The following RBM5 variants were observed in gnomAD, a reference collection of about 807,000 sequenced individuals.
RBM5 encodes RNA binding motif protein 5.
A neutral mutation model predicts 124.6 loss-of-function variants in RBM5; 15 were observed. The observed-to-expected ratio is 0.12, with a 90% CI of 0.08 to 0.19. The LOEUF (loss-of-function observed/expected upper bound fraction) is 0.19, where lower values mean the gene tolerates loss of function less well. Among genes scored for constraint, RBM5 ranks in the 10% least tolerant of loss-of-function variants. The pLI, the probability that RBM5 is intolerant of heterozygous loss-of-function variation, is 1.00. For missense variants in RBM5, 580 were observed against 1,026.5 expected, an observed-to-expected ratio of 0.57 and a Z score of 5.94; for synonymous variants, 337 against 361.2, an observed-to-expected ratio of 0.93 and a Z score of 0.76.
At chr3:50,111,529 G>A (rs368181048) in intron 17 of RBM5, among the ~76,000 whole-genome samples, 17 of 152,024 alleles carry the variant, frequency 1.1e-4, no homozygotes, top group Middle Eastern at 3.4e-3. Flanking sequence ...GATTACAGGC[G>A]CCCACCACAC....
intron 7 of RBM5, 140 bp from the exon 8 acceptor site, chr3:50,104,108 T>G (rs2090991390): frequency 1.5e-6 from 1 of 663,208 alleles, no homozygotes; most frequent in Non-Finnish European, 2.7e-6. Context: ...ATTTTTTAGG[T>G]TATGTCCCCA....
intron 18 of RBM5, 113 bp from the exon 19 acceptor site, chr3:50,113,837 G>C: frequency 1.6e-6 from 2 of 1,217,016 alleles, no homozygotes; most frequent in Non-Finnish European, 2.3e-6. Flanking sequence ...GTGGAAGTAA[G>C]AGTAAAAGGG....
At chr3:50,098,452 TA>T (rs1429700880) in intron 4 of RBM5, among the ~76,000 whole-genome samples, 1 of 151,722 alleles carries the variant, frequency 6.6e-6, no homozygotes, top group Non-Finnish European at 1.5e-5. Context: ...TTTATTTTAT[TA>T]TTTTTTTTTG....
chr3:50,089,842 A>G (rs998481101), intron 1 of RBM5: 1 of 154,290 alleles, frequency 6.5e-6, no homozygotes, highest in African/African-American at 2.4e-5. Flanking sequence ...GTTACCTAGG[A>G]ATTAGGTCGT....
In RBM5 at chr3:50,105,067, T is replaced by C; in HGVS notation, c.629-10T>C. On this transcript the variant is annotated splice_polypyrimidine_tract_variant and intron_variant, in intron 8 of 24. Coordinates refer to ENST00000347869, the MANE Select transcript of RBM5 (RefSeq NM_005778.4). ...TTGTTTGTCTCTAATTGGATCACTT[T>C]CCCTTCTAGACTCTGAACAGGAAGT... 3 of 1,553,336 alleles carry C rather than the reference T, an allele frequency of 1.9e-6. No homozygotes were observed. Among genetic ancestry groups the C allele is most frequent in the Non-Finnish European group, 1.8e-6 (2 of 1,127,508 alleles).
At chr3:50,115,764 A>G in intron 21 of RBM5, 142 bp from the exon 22 acceptor site, 4 of 1,185,922 alleles carry the variant, frequency 3.4e-6, no homozygotes, top group South Asian at 1.4e-5. Context: ...TGGCAGCTCC[A>G]CACACATCAA....
chr3:50,101,437 T>G (rs778754647), intron 6 of RBM5: 4 of 152,240 alleles, frequency 2.6e-5, no homozygotes, highest in Non-Finnish European at 5.9e-5. Flanking sequence ...AAAAGTTACA[T>G]TCTTTGATTG....
At chr3:50,106,886 A>T (rs1194134391) in intron 11 of RBM5, 22 bp downstream of exon 11, 2 of 1,527,752 alleles carry the variant, frequency 1.3e-6, no homozygotes, top group South Asian at 2.2e-5. Flanking sequence ...CATTGTCCTT[A>T]TTTCAAACTA....
chr3:50,109,591 G>T lies in RBM5; in HGVS notation c.1193-12G>T, dbSNP rs755417185. 3 of 1,612,146 alleles carry T rather than the reference G, an allele frequency of 1.9e-6. No homozygotes were observed. In the African/African-American group the frequency reaches 4.0e-5, roughly 22 times the overall value. On this transcript the variant is annotated splice_polypyrimidine_tract_variant and intron_variant, in intron 14 of 24. Transcript: ENST00000347869. ...TGCCTTGGCTTTCCCTAACACTTGT[G>T]TTTATCATCAGGCACAGCAGTGACC...
At chr3:50,093,161 C>G (rs1256132539) in intron 3 of RBM5, 2 of 157,732 alleles carry the variant, frequency 1.3e-5, no homozygotes, top group African/African-American at 2.4e-5. Context: ...AACCAGAAGG[C>G]CGGCACGGTG....
chr3:50,116,889 A>G, intron 22 of RBM5, 185 bp from the exon 23 acceptor site: 4 of 597,026 alleles, frequency 6.7e-6, no homozygotes, highest in Non-Finnish European at 8.8e-6. Flanking sequence ...ATATTTACAA[A>G]TTTAACATTT....
rs1446860876 is a variant in RBM5 at position 50,100,095 on chromosome 3, T to G, written c.409+44T>G. The G allele has an allele frequency of 6.5e-7, 1 of 1,546,326 alleles. No homozygotes were observed. The highest frequency in any genetic ancestry group is 8.9e-7 in the Non-Finnish European group (1 of 1,123,232). On this transcript the variant is annotated intron_variant, in intron 5 of 24. Transcript: ENST00000347869. This position sits in a 1 kb window ranked among gnomAD's most constrained non-coding sequence, Gnocchi z 5.1. ...CCTGATATTATTGTTCTCTTCCCCA[T>G]TCCCACCTCAGTCCCTAAAGAACAT...
chr3:50,091,737 T>C (rs1303346406), intron 2 of RBM5, among the ~76,000 whole-genome samples: 1 of 152,220 alleles, frequency 6.6e-6, no homozygotes, highest in African/African-American at 2.4e-5. Context: ...AGGGATAATA[T>C]GTAGACTCTA....
intron 24 of RBM5, 98 bp from the exon 25 acceptor site, chr3:50,118,233 C>T: frequency 6.6e-7 from 1 of 1,507,108 alleles, no homozygotes; most frequent in Non-Finnish European, 9.1e-7. Flanking sequence ...TCTCTTCTGT[C>T]TCCTGGTGGG....
chr3:50,106,152 T>C (rs1466591766), intron 10 of RBM5, among the ~76,000 whole-genome samples: 2 of 85,228 alleles, frequency 2.3e-5, no homozygotes, highest in Non-Finnish European at 4.6e-5. Flanking sequence ...TTTTTTTTTT[T>C]GAGAGGGAGT....
intron 1 of RBM5, chr3:50,089,849 T>C (rs1465764290): frequency 1.9e-5 from 3 of 154,504 alleles, no homozygotes; most frequent in Admixed American, 1.9e-4. Context: ...AGGAATTAGG[T>C]CGTTTCTAGC....
chr3:50,090,320 A>C, intron 1 of RBM5, 62 bp from the exon 2 acceptor site: 1 of 1,107,430 alleles, frequency 9.0e-7, no homozygotes, highest in Non-Finnish European at 1.3e-6. Flanking sequence ...TATCCAAGCT[A>C]TGGAGCTGCT....
At chr3:50,094,002 G>A in intron 4 of RBM5, 127 bp downstream of exon 4, 1 of 1,022,912 alleles carries the variant, frequency 9.8e-7, no homozygotes, top group Non-Finnish European at 1.4e-6. Context: ...TATCCAAAAT[G>A]CTTGGGACCA....
intron 18 of RBM5, among the ~76,000 whole-genome samples, 193 bp from the exon 19 acceptor site, chr3:50,113,756 CA>C (rs1270631613): frequency 6.6e-6 from 1 of 152,148 alleles, no homozygotes; most frequent in Admixed American, 6.5e-5. Context: ...CTGGAAATCT[CA>C]AAGCTTTTCA....
Sources: gnomAD v4.1 joint callset for allele counts (sites outside exome capture counted in the v4.1 genomes callset) on GRCh38, gnomAD v4.1.1 for gene constraint, Gnocchi (gnomAD v3.1) non-coding constraint, MANE v1.5 for transcripts, NCBI Gene and HGNC (gene_info 2026-07-23, HGNC 2026-07-21) for gene names.